The following SPECC1 variants were observed in gnomAD, a reference collection of about 807,000 sequenced individuals.
SPECC1 encodes sperm antigen with calponin homology and coiled-coil domains 1, also known as cytospin-B.
SPECC1 carries 62 observed loss-of-function variants against 104.1 expected under a neutral mutation model. That is an observed-to-expected ratio of 0.60 (90% CI 0.49 to 0.74). The LOEUF is 0.74. SPECC1 is among the 30% of genes least tolerant of loss of function. The probability of loss-of-function intolerance (pLI) is 0.00; values close to 1 mark genes in which losing one functional copy is unlikely to be tolerated. For missense variants in SPECC1, 1,306 were observed against 1,310.5 expected (o/e 1.00, Z 0.05); for synonymous variants, 513 against 501.6 (o/e 1.02, Z -0.30).
chr17:20,238,144 G>A (rs2039021015), intron 7 of SPECC1: 18 of 1,030,906 alleles, frequency 1.7e-5, no homozygotes, highest in Non-Finnish European at 2.1e-5. Context: ...CCAGAATCTT[G>A]TTGGGTTAAA....
intron 3 of SPECC1, among the ~76,000 whole-genome samples, chr17:20,142,446 A>G (rs1278334595): frequency 1.3e-5 from 2 of 152,226 alleles, no homozygotes; most frequent in Admixed American, 1.3e-4. Context: ...GCGTAGATCA[A>G]CAAAAATGTG....
rs188843738 is a variant in SPECC1 at position 20,053,910 on chromosome 17, C to G, written c.-21-42721C>G. 1.1e-3 allele frequency among the ~76,000 whole-genome samples: 162 copies of G among 152,306 alleles called. 2 individuals carry two copies. Among genetic ancestry groups the G allele is most frequent in the Non-Finnish European group, 1.9e-4 (13 of 68,022 alleles). ...ATGGTTGTCAGTGATTGGCTACACA[C>G]CAGTATATAACCAATACACACGGCA... On this transcript the variant is annotated intron_variant, in intron 1 of 14. Coordinates refer to ENST00000395527, the MANE Select transcript of SPECC1 (RefSeq NM_001243439.2).
intron 3 of SPECC1, among the ~76,000 whole-genome samples, chr17:20,126,165 CTT>C (rs2049294014): frequency 6.6e-6 from 1 of 152,086 alleles, no homozygotes; most frequent in Non-Finnish European, 1.5e-5. Flanking sequence ...TATTTGGGCT[CTT>C]CCCCTGAAGT....
At chr17:20,210,946 G>A (rs1292572392) in intron 4 of SPECC1, among the ~76,000 whole-genome samples, 2 of 152,180 alleles carry the variant, frequency 1.3e-5, no homozygotes, top group Non-Finnish European at 2.9e-5. Flanking sequence ...ACCATTACCT[G>A]GTCCCTCCTG....
chr17:20,239,364 A>G, intron 7 of SPECC1: 6 of 834,234 alleles, frequency 7.2e-6, no homozygotes, highest in Non-Finnish European at 8.8e-6. Context: ...ATTTTTCTTT[A>G]CTCATGAATA....
At chr17:20,080,191 A>C (rs2046912425) in intron 1 of SPECC1, among the ~76,000 whole-genome samples, 1 of 152,194 alleles carries the variant, frequency 6.6e-6, no homozygotes, top group African/African-American at 2.4e-5. Flanking sequence ...AGAACTCTTG[A>C]ATGTGGTCTA....
At position 20,227,429 on chromosome 17, in the gene SPECC1, C is replaced by T. The variant is rs2038288402; in HGVS notation, c.1880C>T (p.Ser627Leu). The change falls in exon 5 of 15, where the codon TCA becomes TTA. Residue 627 changes from serine (S) to leucine (L), a missense_variant. Physicochemically the swap from Ser to Leu is moderately radical, Grantham distance 145 (BLOSUM62 -2). Around this residue, in one of 2 missense-constraint regions of SPECC1, gnomAD observed 1,177 missense variants for 1,139.9 expected, o/e 1.03. Coordinates refer to ENST00000395527, the MANE Select transcript of SPECC1 (RefSeq NM_001243439.2). ...TTATTTTAGGTGGAAAAGGATTATT[C>T]ATACCTGAAGGAGATATGTGATCAC... ...SLLAKVEKDY[S>L]YLKEICDHQA... 2.5e-6 allele frequency: 4 copies of T among 1,611,448 alleles called. No homozygotes were observed. The highest frequency in any genetic ancestry group is 2.2e-5 in the South Asian group (2 of 90,656).
chr17:20,066,625 A>C (rs1332477579), intron 1 of SPECC1, among the ~76,000 whole-genome samples: 2 of 152,210 alleles, frequency 1.3e-5, no homozygotes, highest in African/African-American at 2.4e-5. Context: ...GGCAGGGTTT[A>C]ATTATTTCTA....
intron 7 of SPECC1, chr17:20,238,502 T>C: frequency 9.6e-7 from 1 of 1,042,158 alleles, no homozygotes; most frequent in East Asian, 5.7e-5. Context: ...AAAGTTACTG[T>C]CTAATAAAAG....
chr17:20,273,440 C>T (rs1014291994), intron 12 of SPECC1, among the ~76,000 whole-genome samples: 2 of 149,134 alleles, frequency 1.3e-5, no homozygotes, highest in African/African-American at 5.0e-5. Context: ...GCATTCCAGC[C>T]TGGGTGACAC....
At chr17:20,236,424 A>G (rs1371534360) in intron 7 of SPECC1, among the ~76,000 whole-genome samples, 5 of 152,110 alleles carry the variant, frequency 3.3e-5, no homozygotes, top group Non-Finnish European at 7.3e-5. Flanking sequence ...CTGACCCCTG[A>G]TTTTACAGAT....
chr17:20,274,931 AAATAATTTAAT>A (rs1210888894), intron 12 of SPECC1, among the ~76,000 whole-genome samples: 4 of 151,500 alleles, frequency 2.6e-5, no homozygotes, highest in Non-Finnish European at 5.9e-5. Context: ...TAATATTATT[AAATAATTTAAT>A]AATAATTTAA....
intron 9 of SPECC1, among the ~76,000 whole-genome samples, chr17:20,248,907 A>G (rs1254232169): frequency 1.3e-5 from 2 of 152,142 alleles, no homozygotes; most frequent in African/African-American, 4.8e-5. Flanking sequence ...TCTAGCTATT[A>G]GATGATTAAA....
chr17:20,205,060 G>T lies in SPECC1; in HGVS notation c.1011G>T (p.Glu337Asp). Residue 337 changes from glutamate (E) to aspartate (D), a missense_variant, in exon 4 of 15, where the codon GAG (glutamate) becomes GAT (aspartate). By Grantham distance (45) the Glu-to-Asp change is conservative (BLOSUM62 2). Coordinates refer to ENST00000395527, the MANE Select transcript of SPECC1 (RefSeq NM_001243439.2). Reference protein sequence around the residue: ...DASDFEHITAETPSRPLSSTS... With the variant: ...DASDFEHITADTPSRPLSSTS... ...CCGACTTTGAGCACATTACAGCAGA[G>T]ACACCCTCAAGGCCCCTGTCCTCCA... 1.2e-6 allele frequency: 2 copies of T among 1,614,152 alleles called. No individual in the cohort carries two copies. Among genetic ancestry groups the T allele is most frequent in the Non-Finnish European group, 1.7e-6 (2 of 1,180,030 alleles).
At chr17:20,026,856 C>T (rs926975228) in intron 1 of SPECC1, among the ~76,000 whole-genome samples, 1 of 152,126 alleles carries the variant, frequency 6.6e-6, no homozygotes, top group Admixed American at 6.5e-5. Context: ...TGAAAAACCT[C>T]AGTATTATTT....
intron 3 of SPECC1, chr17:20,155,273 G>A (rs904218055): frequency 2.0e-5 from 3 of 152,184 alleles, no homozygotes; most frequent in Non-Finnish European, 2.9e-5. Context: ...GGCGTTAGGA[G>A]TAATCAGTGG....
intron 2 of SPECC1, among the ~76,000 whole-genome samples, chr17:20,105,926 G>C (rs1425875808): frequency 6.6e-6 from 1 of 152,190 alleles, no homozygotes; most frequent in African/African-American, 2.4e-5. Context: ...GTTCCCAGTA[G>C]GAGTGCTCTC....
chr17:20,011,882 C>T (rs2043956314), intron 1 of SPECC1, among the ~76,000 whole-genome samples: 1 of 152,020 alleles, frequency 6.6e-6, no homozygotes, highest in South Asian at 2.1e-4. Flanking sequence ...TACCTGTTTA[C>T]CATTTCTTCA....
At chr17:20,310,698 AC>A (rs2041906254) in intron 14 of SPECC1, among the ~76,000 whole-genome samples, 1 of 152,224 alleles carries the variant, frequency 6.6e-6, no homozygotes, top group Non-Finnish European at 1.5e-5. Flanking sequence ...CAGCATGCCC[AC>A]CAGGACAGCT....
Sources: allele counts gnomAD v4.1 joint callset (sites outside exome capture counted in the v4.1 genomes callset), GRCh38; gene constraint gnomAD v4.1.1; regional missense constraint gnomAD v4.1.1; transcripts MANE v1.5; gene names NCBI Gene and HGNC (gene_info 2026-07-23, HGNC 2026-07-21).